Variants in ITGB5 observed in about 807,000 individuals in gnomAD.
ITGB5 encodes the protein integrin subunit beta 5.
Under a neutral mutation model 84.8 loss-of-function variants are expected in ITGB5, and 38 were observed. The ratio of observed to expected loss-of-function variants is 0.45; its 90% CI spans 0.35 to 0.59. The LOEUF is 0.59. Ranked by LOEUF, ITGB5 falls within the 20% of genes least tolerant of loss-of-function variation. The probability of loss-of-function intolerance (pLI) is 0.01; values close to 1 mark genes in which losing one functional copy is unlikely to be tolerated. For synonymous variants in ITGB5, 393 were observed against 414.4 expected, an observed-to-expected ratio of 0.95 and a Z score of 0.63; for missense variants, 905 against 1,034.5, an observed-to-expected ratio of 0.87 and a Z score of 1.72.
chr3:124,864,967 G>A (rs1361267080), intron 2 of ITGB5, among the ~76,000 whole-genome samples: 2 of 152,216 alleles, frequency 1.3e-5, no homozygotes, highest in Non-Finnish European at 2.9e-5. Context: ...CACCCAAGAA[G>A]TTGAAGTTCA....
At chr3:124,815,823 G>A (rs1195473844) in intron 8 of ITGB5, among the ~76,000 whole-genome samples, 2 of 152,254 alleles carry the variant, frequency 1.3e-5, no homozygotes, top group South Asian at 2.1e-4. Flanking sequence ...ACCAGCTTAC[G>A]TGTTCCCCCT....
intron 1 of ITGB5, among the ~76,000 whole-genome samples, chr3:124,898,773 TAAA>T (rs36079714): frequency 0.036 from 3,895 of 109,668 alleles, 87 homozygotes; most frequent in South Asian, 0.056. Context: ...CCCCATGTCT[TAAA>T]AAAAAAAAAA....
intron 4 of ITGB5, among the ~76,000 whole-genome samples, chr3:124,843,016 C>T (rs116060150): frequency 0.03 from 4,515 of 152,282 alleles, 104 homozygotes; most frequent in South Asian, 0.044. Context: ...CCGGCGGCAG[C>T]GATGGGATCT....
chr3:124,854,643 A>T (rs1159743718), intron 3 of ITGB5, among the ~76,000 whole-genome samples: 1 of 152,194 alleles, frequency 6.6e-6, no homozygotes, highest in African/African-American at 2.4e-5. Context: ...GTTCACGGGT[A>T]TGGGACTTCT....
chr3:124,766,331 C>T lies in ITGB5; in HGVS notation c.2032G>A (p.Glu678Lys), dbSNP rs758313619. 6.2e-7 allele frequency: 1 copy of T among 1,614,084 alleles called. No individual in the cohort carries two copies. Among genetic ancestry groups the T allele is most frequent in the South Asian group, 1.1e-5 (1 of 91,046 alleles). ...WVDTIVKDDQ[E>K]AVLCFYKTAK... Reference sequence around the variant, plus strand: ...GTTTTGTAGAAACATAGCACAGCCTCCTGGTCATCTTTCACTGGAAGAAAA... The same window carrying T: ...GTTTTGTAGAAACATAGCACAGCCTTCTGGTCATCTTTCACTGGAAGAAAA... Residue 678 changes from glutamate (E) to lysine (K), a missense_variant, in exon 13 of 15, where the codon GAG (glutamate) becomes AAG (lysine). Glu to Lys is a moderately conservative substitution (Grantham distance 56). Coordinates refer to ENST00000296181, the MANE Select transcript of ITGB5 (RefSeq NM_002213.5).
chr3:124,865,487 T>TTTTTC (rs2065375084), intron 2 of ITGB5, among the ~76,000 whole-genome samples: 2 of 135,372 alleles, frequency 1.5e-5, no homozygotes, highest in Non-Finnish European at 3.2e-5. Context: ...TTTTCTTTTT[T>TTTTTC]TTTTTTTTTT....
rs750682840 is a variant in ITGB5, at chr3:124,764,559, TG to T, written c.2138-3del. 6 of 1,602,650 alleles carry T rather than the reference TG, an allele frequency of 3.7e-6. No individual in the cohort carries two copies. Among genetic ancestry groups the T allele is most frequent in the East Asian group, 2.2e-5 (1 of 44,518 alleles). ...TGGCGTTGGGGGTGTTTCCACACTC[TG>T]GGGGGACCAGAAGCATGGTAAGCAA... is the stretch of plus-strand genomic sequence containing the variant. On this transcript the variant is annotated splice_polypyrimidine_tract_variant and splice_region_variant and intron_variant, in intron 13 of 14. Transcript: ENST00000296181.
intron 2 of ITGB5, among the ~76,000 whole-genome samples, chr3:124,871,013 C>A (rs191131638): frequency 6.6e-6 from 1 of 152,042 alleles, no homozygotes; most frequent in African/African-American, 2.4e-5. Context: ...CCTCAGCCCC[C>A]CAAGTAGCTG....
chr3:124,864,249 G>A (rs2065352501), intron 2 of ITGB5, among the ~76,000 whole-genome samples: 1 of 151,416 alleles, frequency 6.6e-6, no homozygotes, highest in South Asian at 2.1e-4. Flanking sequence ...TGGGACTACA[G>A]GTGCCCGCCA....
intron 9 of ITGB5, among the ~76,000 whole-genome samples, chr3:124,806,581 C>A (rs1349777233): frequency 1.3e-5 from 2 of 151,220 alleles, no homozygotes; most frequent in Admixed American, 1.3e-4. Flanking sequence ...CTACAGGTAC[C>A]CGCCATCACT....
intron 2 of ITGB5, among the ~76,000 whole-genome samples, chr3:124,870,937 C>T (rs1418458990): frequency 6.6e-6 from 1 of 152,130 alleles, no homozygotes; most frequent in Admixed American, 6.5e-5. Context: ...GTCGCCCAGG[C>T]TGGAGTGCAG....
chr3:124,763,469 G>A lies in ITGB5; in HGVS notation c.*154C>T, dbSNP rs2063721926. The A allele has an allele frequency of 1.8e-6, 1 of 566,652 alleles. No individual in the cohort carries two copies. The highest frequency in any genetic ancestry group is 3.2e-6 in the Non-Finnish European group (1 of 313,852). 35.1% of individuals were successfully genotyped at this position (566,652 alleles called of 1,614,324 possible). A position where few individuals can be genotyped will look rare whatever the true frequency, so the allele number is the denominator to read the frequency against. ...AGGTGACATGGCCAGGCACCTTCCT[G>A]TACAGGCACTGTGGGCTCCTGGCCC... On this transcript the variant is annotated 3_prime_UTR_variant, in exon 15 of 15. Coordinates refer to ENST00000296181, the MANE Select transcript of ITGB5 (RefSeq NM_002213.5).
At chr3:124,896,764 G>A (rs1228762617) in intron 1 of ITGB5, among the ~76,000 whole-genome samples, 1 of 86,310 alleles carries the variant, frequency 1.2e-5, no homozygotes, top group African/African-American at 3.8e-5. Flanking sequence ...AAAAAAAAAA[G>A]GGAGAAGAAG....
chr3:124,845,909 T>C (rs1579286936), intron 4 of ITGB5, among the ~76,000 whole-genome samples: 1 of 152,142 alleles, frequency 6.6e-6, no homozygotes, highest in South Asian at 2.1e-4. Flanking sequence ...AACAAAAACA[T>C]TTGACACCCA....
At chr3:124,778,825 G>A (rs2063961351) in intron 10 of ITGB5, among the ~76,000 whole-genome samples, 1 of 152,170 alleles carries the variant, frequency 6.6e-6, no homozygotes, top group African/African-American at 2.4e-5. Context: ...GGAAGGAGAG[G>A]CTGGGCTGAG....
At chr3:124,786,792 A>G (rs2064087830) in intron 10 of ITGB5, among the ~76,000 whole-genome samples, 1 of 152,192 alleles carries the variant, frequency 6.6e-6, no homozygotes, top group South Asian at 2.1e-4. Context: ...ACCTCACCAG[A>G]GGCACTGAGC....
At chr3:124,845,493 G>T (rs1452152090) in intron 4 of ITGB5, among the ~76,000 whole-genome samples, 3 of 152,220 alleles carry the variant, frequency 2.0e-5, no homozygotes, top group Non-Finnish European at 2.9e-5. Flanking sequence ...CAGGCCCGAG[G>T]TTTCCTTCCA....
intron 9 of ITGB5, among the ~76,000 whole-genome samples, chr3:124,801,998 T>C (rs977412456): frequency 6.6e-6 from 1 of 152,222 alleles, no homozygotes; most frequent in Admixed American, 6.5e-5. Flanking sequence ...GCTTTCTCTG[T>C]CTGGGAAACT....
chr3:124,791,722 G>A (rs2064152550), intron 10 of ITGB5: 1 of 152,234 alleles, frequency 6.6e-6, no homozygotes, highest in South Asian at 2.1e-4. Flanking sequence ...AGCTGCTTGG[G>A]AGTCTCTGAG....
Sources: allele counts gnomAD v4.1 joint callset (sites outside exome capture counted in the v4.1 genomes callset), GRCh38; gene constraint gnomAD v4.1.1; transcripts MANE v1.5; gene names NCBI Gene and HGNC (gene_info 2026-07-23, HGNC 2026-07-21).